SIK3: variants seen among roughly 807,000 people sequenced by gnomAD.
The protein encoded by SIK3 is serine/threonine-protein kinase SIK3.
SIK3 carries 28 observed loss-of-function variants against 144.2 expected under a neutral mutation model. That is an observed-to-expected ratio of 0.19 (90% CI 0.14 to 0.27). The LOEUF (loss-of-function observed/expected upper bound fraction) is 0.27, where lower values mean the gene tolerates loss of function less well. SIK3 is among the 10% of genes least tolerant of loss of function. The probability of loss-of-function intolerance (pLI) is 1.00; values close to 1 mark genes in which losing one functional copy is unlikely to be tolerated. For synonymous variants in SIK3, 686 were observed against 676.3 expected, an observed-to-expected ratio of 1.01 and a Z score of -0.22; for missense variants, 1,319 against 1,776.0, an observed-to-expected ratio of 0.74 and a Z score of 4.62.
At position 116,980,867 on chromosome 11, in the gene SIK3, T is replaced by G. The variant is rs570928003; in HGVS notation, c.274-23803A>C. Among the ~76,000 whole-genome samples the G allele has an allele frequency of 4.0e-5, 6 of 151,214 alleles. No individual in the cohort carries two copies. The East Asian group carries it at 5.8e-4, about 15-fold the overall frequency. Reference sequence around the variant, plus strand: ...CCCTGTCTCGAAAAAAAAAAAGAAATAAAGAAAGAAAAATTACAATCAGAT... The same window carrying G: ...CCCTGTCTCGAAAAAAAAAAAGAAAGAAAGAAAGAAAAATTACAATCAGAT... On this transcript the variant is annotated intron_variant, in intron 1 of 24. Transcript: ENST00000445177.
intron 1 of SIK3, among the ~76,000 whole-genome samples, chr11:117,017,673 T>C (rs1049669180): frequency 4.6e-5 from 7 of 152,144 alleles, no homozygotes; most frequent in Admixed American, 3.9e-4. Context: ...AAACTGGTTA[T>C]ACAACTCCTT....
At chr11:116,862,779 T>A (rs1339576886) in intron 16 of SIK3, among the ~76,000 whole-genome samples, 1 of 152,126 alleles carries the variant, frequency 6.6e-6, no homozygotes, top group African/African-American at 2.4e-5. Context: ...TCCTAAATCA[T>A]GCGCAGAGTG....
rs200242147 is a variant in SIK3, at chr11:116,910,345, T to A, written c.617-13028A>T. On this transcript the variant is annotated intron_variant, in intron 4 of 24. Transcript: ENST00000445177. ...GAAAAAAAAACCTAGATAATATTTT[T>A]AAAAACCTGTATAACTGAAAGTTGA... 2.9e-4 allele frequency among the ~76,000 whole-genome samples: 44 copies of A among 152,276 alleles called. No homozygotes were observed. The East Asian group carries it at 8.3e-3, about 29-fold the overall frequency.
intron 3 of SIK3, among the ~76,000 whole-genome samples, chr11:116,931,720 C>T (rs973120832): frequency 6.6e-6 from 1 of 152,182 alleles, no homozygotes; most frequent in African/African-American, 2.4e-5. Context: ...CTTTGCCACT[C>T]AGTTCTATCA....
chr11:116,847,712 C>G, intron 22 of SIK3, 104 bp from the exon 23 acceptor site: 1 of 1,485,314 alleles, frequency 6.7e-7, no homozygotes, highest in Admixed American at 1.7e-5. Flanking sequence ...AAAAGACAGC[C>G]CGGGGCCCCA....
intron 22 of SIK3, among the ~76,000 whole-genome samples, chr11:116,848,248 G>C (rs896724192): frequency 3.9e-5 from 6 of 152,176 alleles, no homozygotes; most frequent in South Asian, 2.1e-4. Flanking sequence ...TCGGGAGGTT[G>C]AGGCAGGAGA....
At chr11:116,975,553 T>G (rs1949919027) in intron 1 of SIK3, among the ~76,000 whole-genome samples, 1 of 152,244 alleles carries the variant, frequency 6.6e-6, no homozygotes, top group South Asian at 2.1e-4. Flanking sequence ...TCATTACTTT[T>G]TATTGCCAAA....
intron 1 of SIK3, among the ~76,000 whole-genome samples, chr11:117,051,836 G>A (rs1044893887): frequency 6.6e-6 from 1 of 151,056 alleles, no homozygotes; most frequent in Non-Finnish European, 1.5e-5. Context: ...GCCTATAGAG[G>A]TTTATTACAG....
Position 116,897,619 on chromosome 11 carries a change from A to G in SIK3, c.617-302T>C, listed in dbSNP as rs370160405. Among the ~76,000 whole-genome samples, 34 of 152,326 alleles carry G rather than the reference A, an allele frequency of 2.2e-4. 1 individual carries two copies. The East Asian group carries it at 5.0e-3, about 22-fold the overall frequency. On this transcript the variant is annotated intron_variant, in intron 4 of 24. Transcript: ENST00000445177. The stretch of plus-strand genomic sequence containing the variant: ...TAAGAATGCAAATGGGCCTGGGGGC[A>G]GTGGCTCATGCCTGTAATCCCATCA...
intron 1 of SIK3, among the ~76,000 whole-genome samples, chr11:117,006,046 T>C (rs1191695665): frequency 6.6e-6 from 1 of 152,186 alleles, no homozygotes; most frequent in Non-Finnish European, 1.5e-5. Flanking sequence ...ATAGTGTTCC[T>C]TGCTCAAACT....
Position 116,858,027 on chromosome 11 carries a change from G to A in SIK3, c.3438C>T (p.Asp1146=), listed in dbSNP as rs11216163. Reference sequence around the variant, plus strand: ...CATCCTTGGCCCCCTCACACGAGCAGTCCTCCTCCATGCTCTCTGAATGCA... The same window carrying A: ...CATCCTTGGCCCCCTCACACGAGCAATCCTCCTCCATGCTCTCTGAATGCA... The part of the protein sequence containing the change: ...ALMHSESMEE[D]CSCEGAKDGF... The change falls in exon 21 of 25, where the codon GAC becomes GAT. Residue 1146 remains aspartate (D), a synonymous_variant. Transcript: ENST00000445177. The surrounding 1 kb of genome is among the most constrained non-coding windows in gnomAD (Gnocchi z 5.4). The A allele has an allele frequency of 6.2e-7, 1 of 1,613,982 alleles. No individual in the cohort carries two copies. Among genetic ancestry groups the A allele is most frequent in the Non-Finnish European group, 8.5e-7 (1 of 1,179,906 alleles).
chr11:117,090,013 C>A (rs1184009653), intron 1 of SIK3, among the ~76,000 whole-genome samples: 2 of 152,242 alleles, frequency 1.3e-5, no homozygotes, highest in African/African-American at 4.8e-5. Context: ...GCTCATCCAA[C>A]AGTTCCGTAC....
intron 1 of SIK3, among the ~76,000 whole-genome samples, chr11:117,047,853 C>A (rs1028116657): frequency 6.6e-6 from 1 of 152,108 alleles, no homozygotes; most frequent in African/African-American, 2.4e-5. Flanking sequence ...TCAATGAGAA[C>A]ATCTAGATCG....
At chr11:117,053,557 T>C (rs1254829364) in intron 1 of SIK3, among the ~76,000 whole-genome samples, 1 of 152,130 alleles carries the variant, frequency 6.6e-6, no homozygotes, top group Non-Finnish European at 1.5e-5. Flanking sequence ...GTTAAACAGT[T>C]TCATCCCAGT....
intron 2 of SIK3, among the ~76,000 whole-genome samples, chr11:116,956,216 G>C (rs1405881773): frequency 6.6e-6 from 1 of 152,020 alleles, no homozygotes; most frequent in Admixed American, 6.6e-5. Context: ...AGCCTGCTAA[G>C]GCAAGGTCCT....
chr11:117,070,596 G>A (rs948344906), intron 1 of SIK3, among the ~76,000 whole-genome samples: 7 of 152,074 alleles, frequency 4.6e-5, no homozygotes, highest in Non-Finnish European at 7.4e-5. Flanking sequence ...ACAGGCGCCC[G>A]CCATCACACG....
Position 117,068,682 on chromosome 11 carries a change from C to T in SIK3, c.273+29461G>A, listed in dbSNP as rs1037742842. Reference sequence around the variant, plus strand: ...AGGCTGAGGCTGCAGCGAGCCCAAGCGGTTGAGGCCACAGTGAGCCATAAA... The same window carrying T: ...AGGCTGAGGCTGCAGCGAGCCCAAGTGGTTGAGGCCACAGTGAGCCATAAA... On this transcript the variant is annotated intron_variant, in intron 1 of 24. Transcript: ENST00000445177. Among the ~76,000 whole-genome samples, 23 of 152,132 alleles carry T rather than the reference C, an allele frequency of 1.5e-4. 1 individual carries two copies. The highest frequency in any genetic ancestry group is 7.4e-5 in the Non-Finnish European group (5 of 68,018).
In SIK3 at chr11:116,858,764, C is replaced by T; in HGVS notation, c.2766-65G>A. 1.3e-6 allele frequency: 2 copies of T among 1,509,100 alleles called. No individual in the cohort carries two copies. Among genetic ancestry groups the T allele is most frequent in the Non-Finnish European group, 1.8e-6 (2 of 1,129,838 alleles). 93.5% of individuals were successfully genotyped at this position (1,509,100 alleles called of 1,614,324 possible). ...AGTACTAGACTTCCTGGGAACAGCTCCTCCTCCTCAGTAGGGAGAACCCAC... is the reference window on the plus strand; with the variant it reads ...AGTACTAGACTTCCTGGGAACAGCTTCTCCTCCTCAGTAGGGAGAACCCAC... On this transcript the variant is annotated intron_variant, in intron 20 of 24. Transcript: ENST00000445177. The surrounding 1 kb of genome is among the most constrained non-coding windows in gnomAD (Gnocchi z 5.4).
intron 4 of SIK3, among the ~76,000 whole-genome samples, chr11:116,917,826 GGAAGGAAAGGA>G (rs1946737662): frequency 7.3e-6 from 1 of 137,254 alleles, no homozygotes; most frequent in East Asian, 2.2e-4. Flanking sequence ...GGAAGAAGAA[GGAAGGAAAGGA>G]AAGGAAAGGA....
Sources: gnomAD v4.1 joint callset for allele counts (sites outside exome capture counted in the v4.1 genomes callset) on GRCh38, gnomAD v4.1.1 for gene constraint, Gnocchi (gnomAD v3.1) non-coding constraint, MANE v1.5 for transcripts, NCBI Gene and HGNC (gene_info 2026-07-23, HGNC 2026-07-21) for gene names.